Variants in ZNF410 observed in about 807,000 individuals in gnomAD.
ZNF410 encodes the protein zinc finger protein 410, also known as another partner for ARF 1.
ZNF410 carries 18 observed loss-of-function variants against 54.8 expected under a neutral mutation model. The observed-to-expected ratio is 0.33, with a 90% CI of 0.23 to 0.49. The LOEUF is 0.49. ZNF410 is among the 20% of genes least tolerant of loss of function. The pLI is 0.99. For missense variants in ZNF410, 405 were observed against 569.6 expected, an observed-to-expected ratio of 0.71 and a Z score of 2.94; for synonymous variants, 191 against 207.3, an observed-to-expected ratio of 0.92 and a Z score of 0.68.
chr14:73,931,474 A>C, intron 11 of ZNF410, 29 bp from the exon 12 acceptor site: 1 of 1,595,060 alleles, frequency 6.3e-7, no homozygotes, highest in Non-Finnish European at 8.6e-7. Context: ...ACTGTAACCT[A>C]TTCTAGATTT....
chr14:73,895,433 T>G (rs2055301754), intron 3 of ZNF410: 1 of 152,174 alleles, frequency 6.6e-6, no homozygotes, highest in South Asian at 2.1e-4. Context: ...CCAAAGGAAT[T>G]GAAATCAGTA....
At chr14:73,926,731 G>A (rs141213243) in intron 11 of ZNF410, among the ~76,000 whole-genome samples, 9,941 of 107,488 alleles carry the variant, frequency 0.092, 460 homozygotes, top group South Asian at 0.17. Context: ...CACTGCGCCC[G>A]GCCAGGAATT....
chr14:73,931,442 G>C, intron 11 of ZNF410, 61 bp from the exon 12 acceptor site: 5 of 1,466,196 alleles, frequency 3.4e-6, no homozygotes, highest in Non-Finnish European at 4.7e-6. Flanking sequence ...TTTTTACTAT[G>C]AATTATTTTT....
At chr14:73,908,670 T>G (rs1327532441) in intron 7 of ZNF410, among the ~76,000 whole-genome samples, 2 of 152,350 alleles carry the variant, frequency 1.3e-5, no homozygotes, top group East Asian at 3.9e-4. Context: ...ACAGTATTCC[T>G]GGTGCCTGAA....
At chr14:73,911,897 GT>G (rs537331270) in intron 8 of ZNF410, among the ~76,000 whole-genome samples, 2 of 152,142 alleles carry the variant, frequency 1.3e-5, no homozygotes, top group Non-Finnish European at 2.9e-5. Context: ...AACAGAGTCA[GT>G]TGACTCCTAT....
At chr14:73,923,681 A>T (rs142681459) in intron 11 of ZNF410, among the ~76,000 whole-genome samples, 159 bp downstream of exon 11, 1 of 152,274 alleles carries the variant, frequency 6.6e-6, no homozygotes, top group African/African-American at 2.4e-5. Flanking sequence ...AAGGAGCCTG[A>T]GGGTTAGGGT....
intron 7 of ZNF410, 63 bp from the exon 8 acceptor site, chr14:73,909,278 A>G (rs2055539350): frequency 2.2e-6 from 3 of 1,394,790 alleles, no homozygotes; most frequent in Non-Finnish European, 3.0e-6. Context: ...TTGGTGGGAA[A>G]AGAGAGTAAC....
chr14:73,918,100 T>C (rs780670730), intron 8 of ZNF410, among the ~76,000 whole-genome samples: 1 of 152,126 alleles, frequency 6.6e-6, no homozygotes, highest in Non-Finnish European at 1.5e-5. Flanking sequence ...TATTGCTATA[T>C]TGTTATTTTT....
chr14:73,924,777 A>G, intron 11 of ZNF410: 1 of 407,022 alleles, frequency 2.5e-6, no homozygotes, highest in South Asian at 1.8e-5. Flanking sequence ...CCCAGGTTCA[A>G]GCGATTCTCC....
intron 5 of ZNF410, among the ~76,000 whole-genome samples, chr14:73,902,041 G>A (rs1362361839): frequency 6.6e-6 from 1 of 151,462 alleles, no homozygotes; most frequent in African/African-American, 2.4e-5. Flanking sequence ...ATTCCTTCAC[G>A]GCATATGTAT....
intron 8 of ZNF410, 187 bp from the exon 9 acceptor site, chr14:73,920,793 C>T (rs868798274): frequency 1.6e-4 from 100 of 639,122 alleles, no homozygotes; most frequent in Middle Eastern, 9.5e-4. Context: ...TGTGCTAAAG[C>T]CCTCCTGGTG....
intron 11 of ZNF410, 64 bp downstream of exon 11, chr14:73,923,586 AGGACCTG>A: frequency 6.4e-7 from 1 of 1,550,390 alleles, no homozygotes; most frequent in Admixed American, 2.0e-5. Context: ...GAGAATTTAG[AGGACCTG>A]AAAAAGTCTC....
In ZNF410 at chr14:73,932,504, T is replaced by C. The variant is rs1205906182; in HGVS notation, c.*963T>C. ...CTGAGAAAATGGCAATAAAAACAGATACTTCTGAATTTTTCCACAAAGATA... is the reference window on the plus strand; with the variant it reads ...CTGAGAAAATGGCAATAAAAACAGACACTTCTGAATTTTTCCACAAAGATA... On this transcript the variant is annotated 3_prime_UTR_variant, in exon 12 of 12. Coordinates refer to ENST00000555044, the MANE Select transcript of ZNF410 (RefSeq NM_021188.3). The C allele has an allele frequency of 4.4e-6, 2 of 450,198 alleles. No homozygotes were observed. Among genetic ancestry groups the C allele is most frequent in the South Asian group, 3.2e-5 (2 of 63,072 alleles). 27.9% of individuals were successfully genotyped at this position (450,198 alleles called of 1,614,324 possible).
At chr14:73,897,667 T>A (rs2055339975) in intron 4 of ZNF410, among the ~76,000 whole-genome samples, 1 of 152,032 alleles carries the variant, frequency 6.6e-6, no homozygotes, top group South Asian at 2.1e-4. Flanking sequence ...CAGGAATAGC[T>A]TATTTAGGAC....
At chr14:73,913,793 A>G (rs1434187217) in intron 8 of ZNF410, 2 of 132,592 alleles carry the variant, frequency 1.5e-5, no homozygotes, top group East Asian at 4.5e-4. Context: ...AATTTCTATT[A>G]TTTTGTAGAA....
At chr14:73,920,141 C>G (rs1350115850) in intron 8 of ZNF410, 1 of 151,932 alleles carries the variant, frequency 6.6e-6, no homozygotes, top group Non-Finnish European at 1.5e-5. Context: ...GTCAGATTCC[C>G]CCAAAGAGGT....
At chr14:73,894,619 G>A (rs1239302023) in intron 3 of ZNF410, among the ~76,000 whole-genome samples, 1 of 151,890 alleles carries the variant, frequency 6.6e-6, no homozygotes, top group African/African-American at 2.4e-5. Flanking sequence ...TAGAAACGGG[G>A]TTTCACCATG....
chr14:73,887,671 A>C (rs1182850137), intron 1 of ZNF410, among the ~76,000 whole-genome samples: 4 of 152,222 alleles, frequency 2.6e-5, no homozygotes, highest in Non-Finnish European at 4.4e-5. Flanking sequence ...ATAAATAAAA[A>C]ACATTTGGAA....
At chr14:73,897,286 T>C (rs866224177) in intron 4 of ZNF410, among the ~76,000 whole-genome samples, 39 of 152,114 alleles carry the variant, frequency 2.6e-4, no homozygotes, top group Admixed American at 2.4e-3. Flanking sequence ...GAAGGTACAC[T>C]TGTTCAAGAA....
Sources: gnomAD v4.1 joint callset for allele counts (sites outside exome capture counted in the v4.1 genomes callset) on GRCh38, gnomAD v4.1.1 for gene constraint, MANE v1.5 for transcripts, NCBI Gene and HGNC (gene_info 2026-07-23, HGNC 2026-07-21) for gene names.